FAM20A: variants seen among roughly 807,000 people sequenced by gnomAD.
FAM20A encodes FAM20A golgi associated secretory pathway pseudokinase.
Under a neutral mutation model 52.0 loss-of-function variants are expected in FAM20A, and 42 were observed. The ratio of observed to expected loss-of-function variants is 0.81; its 90% CI spans 0.63 to 1.04. The LOEUF is 1.04. Among genes scored for constraint, FAM20A ranks in the 50% least tolerant of loss-of-function variants. FAM20A has a pLI of 0.00. For synonymous variants in FAM20A, 304 were observed against 298.9 expected (o/e 1.02, Z -0.18); for missense variants, 742 against 712.7 (o/e 1.04, Z -0.47).
rs746301558 is a variant in FAM20A, at chr17:68,535,669, A to AT, written c.*1807dup. On this transcript the variant is annotated 3_prime_UTR_variant, in exon 11 of 11. Coordinates refer to ENST00000592554, the MANE Select transcript of FAM20A (RefSeq NM_017565.4). The stretch of plus-strand genomic sequence containing the variant: ...TGTTAAAGAGTTGATTTAAAAAAAA[A>AT]TTTTTTTTTTTTTGTATTTTTTTGT... 3,234 of 322,864 alleles carry AT rather than the reference A, an allele frequency of 0.01. No individual in the cohort carries two copies. The highest frequency in any genetic ancestry group is 0.016 in the Middle Eastern group (15 of 954). 20.0% of individuals were successfully genotyped at this position (322,864 alleles called of 1,614,324 possible).
Position 68,600,172 on chromosome 17 carries a change from T to G in FAM20A, c.404+91A>C. The G allele has an allele frequency of 6.9e-7, 1 of 1,449,120 alleles. No homozygotes were observed. Among genetic ancestry groups the G allele is most frequent in the Non-Finnish European group, 9.2e-7 (1 of 1,081,472 alleles). The allele number at this position is 1,449,120 out of a possible 1,614,324, so 89.8% of individuals were successfully genotyped here. ...GCCGTGGGTGGAGCCGCTGCAGCCCTGGGCCGGGGGCGTCAGGAAACTCGA... is the reference window on the plus strand; with the variant it reads ...GCCGTGGGTGGAGCCGCTGCAGCCCGGGGCCGGGGGCGTCAGGAAACTCGA... On this transcript the variant is annotated intron_variant, in intron 1 of 10. Coordinates refer to ENST00000592554, the MANE Select transcript of FAM20A (RefSeq NM_017565.4). The surrounding 1 kb of genome is among the most constrained non-coding windows in gnomAD (Gnocchi z 6.2).
intron 1 of FAM20A, among the ~76,000 whole-genome samples, chr17:68,579,527 T>G (rs1009232237): frequency 3.3e-5 from 5 of 152,186 alleles, no homozygotes; most frequent in Non-Finnish European, 5.9e-5. Context: ...ACTTTGATTT[T>G]TGAGTTTGTA....
rs1351165784 is a variant in FAM20A at position 68,587,093 on chromosome 17, T to C, written c.404+13170A>G. Among the ~76,000 whole-genome samples the C allele has an allele frequency of 5.9e-5, 9 of 152,240 alleles. 1 individual carries two copies. The East Asian group carries it at 1.4e-3, about 23-fold the overall frequency. Reference sequence around the variant, plus strand: ...GTATTTTTAGTAGCGATGGGGTTTCTCCATGTTGGCCAGGATGGTCTGAAA... The same window carrying C: ...GTATTTTTAGTAGCGATGGGGTTTCCCCATGTTGGCCAGGATGGTCTGAAA... On this transcript the variant is annotated intron_variant, in intron 1 of 10. Coordinates refer to ENST00000592554, the MANE Select transcript of FAM20A (RefSeq NM_017565.4).
At chr17:68,581,354 CTTT>C (rs2087946982) in intron 1 of FAM20A, among the ~76,000 whole-genome samples, 1 of 85,438 alleles carries the variant, frequency 1.2e-5, no homozygotes, top group African/African-American at 4.4e-5. Context: ...TGCAGTTTTT[CTTT>C]CTTTCTTTCT....
At chr17:68,594,466 A>G (rs568906044) in intron 1 of FAM20A, among the ~76,000 whole-genome samples, 8 of 152,188 alleles carry the variant, frequency 5.3e-5, no homozygotes, top group Admixed American at 2.0e-4. Flanking sequence ...CCACAAACCT[A>G]GTAACTTAAA....
chr17:68,600,336 C>T lies in FAM20A; in HGVS notation c.331G>A (p.Gly111Arg). ...CTGGCCAGGAGCGAGTCCTCGGCTCCCAGGAGAGGCGGCTCCTCCGGGACG... is the reference window on the plus strand; with the variant it reads ...CTGGCCAGGAGCGAGTCCTCGGCTCTCAGGAGAGGCGGCTCCTCCGGGACG... The part of the protein sequence containing the change: ...YNVPEEPPLL[G>R]AEDSLLASQE... The change falls in exon 1 of 11, where the codon GGA (glycine) becomes AGA (arginine). Residue 111 changes from glycine to arginine, a missense_variant. Coordinates refer to ENST00000592554, the MANE Select transcript of FAM20A (RefSeq NM_017565.4). This position sits in a 1 kb window ranked among gnomAD's most constrained non-coding sequence, Gnocchi z 6.2. 1 of 1,598,460 alleles carries T rather than the reference C, an allele frequency of 6.3e-7. No individual in the cohort carries two copies. Among genetic ancestry groups the T allele is most frequent in the Non-Finnish European group, 8.5e-7 (1 of 1,173,054 alleles).
intron 7 of FAM20A, chr17:68,541,222 C>T (rs2086276378): frequency 8.5e-6 from 4 of 471,884 alleles, no homozygotes; most frequent in African/African-American, 2.0e-5. Flanking sequence ...GAGGCCGGGG[C>T]AGGCAGGAAA....
chr17:68,588,549 T>G (rs1036357140), intron 1 of FAM20A, among the ~76,000 whole-genome samples: 2 of 152,252 alleles, frequency 1.3e-5, no homozygotes, highest in Admixed American at 6.5e-5. Flanking sequence ...AAGTCCAAGT[T>G]CGTGGTGTCA....
At position 68,553,331 on chromosome 17, in the gene FAM20A, A is replaced by T. The variant is rs143432157; in HGVS notation, c.641-1380T>A. Among the ~76,000 whole-genome samples the T allele has an allele frequency of 8.0e-3, 1,217 of 152,146 alleles. 16 individuals are homozygous for T. The highest frequency in any genetic ancestry group is 0.028 in the African/African-American group (1,152 of 41,486). On this transcript the variant is annotated intron_variant, in intron 3 of 10. Transcript: ENST00000592554. ...GCCTGCAGAACTGTGAGTCAATTAA[A>T]CCTCTTTCCTTTATAAATTATCCAG...
In FAM20A at chr17:68,600,742, C is replaced by T. The variant is rs1319081732; in HGVS notation, c.-76G>A. ...CCCGGGAGGGGTCGCGGGGTGCGGGCAGAAGAGGTGCCTGGAGTCCCGCGG... is the reference window on the plus strand; with the variant it reads ...CCCGGGAGGGGTCGCGGGGTGCGGGTAGAAGAGGTGCCTGGAGTCCCGCGG... On this transcript the variant is annotated 5_prime_UTR_variant, in exon 1 of 11. Coordinates refer to ENST00000592554, the MANE Select transcript of FAM20A (RefSeq NM_017565.4). This position sits in a 1 kb window ranked among gnomAD's most constrained non-coding sequence, Gnocchi z 6.2. The T allele has an allele frequency of 1.4e-6, 2 of 1,463,124 alleles. No individual in the cohort carries two copies. The highest frequency in any genetic ancestry group is 2.9e-5 in the African/African-American group (2 of 69,536). 90.6% of individuals were successfully genotyped at this position (1,463,124 alleles called of 1,614,324 possible). A position where few individuals can be genotyped will look rare whatever the true frequency, so the allele number is the denominator to read the frequency against.
chr17:68,543,619 C>T lies in FAM20A; in HGVS notation c.812+10G>A. 1 of 1,613,788 alleles carries T rather than the reference C, an allele frequency of 6.2e-7. No homozygotes were observed. The highest frequency in any genetic ancestry group is 1.7e-5 in the Admixed American group (1 of 60,016). ...ATAGGCAATGCCATCTCCATGGGGC[C>T]AGACCCTACCTGTCCAGATGGAAAG... On this transcript the variant is annotated intron_variant, in intron 5 of 10. Coordinates refer to ENST00000592554, the MANE Select transcript of FAM20A (RefSeq NM_017565.4).
At position 68,591,742 on chromosome 17, in the gene FAM20A, T is replaced by TGGGG. The variant is rs35072390; in HGVS notation, c.404+8517_404+8520dup. On this transcript the variant is annotated intron_variant, in intron 1 of 10. Transcript: ENST00000592554. ...GACCTGCGCCTGCGCACTGGGAGGATGGGGGTGGAGCCTCGGGAAGGTCAC... is the reference window on the plus strand; with the variant it reads ...GACCTGCGCCTGCGCACTGGGAGGATGGGGGGGGGTGGAGCCTCGGGAAGGTCAC... 5.6e-3 allele frequency: 858 copies of TGGGG among 152,168 alleles called. 4 individuals are homozygous for TGGGG. The highest frequency in any genetic ancestry group is 0.01 in the Middle Eastern group (3 of 294). The allele number at this position is 152,168 out of a possible 1,614,324, so 9.4% of individuals were successfully genotyped here.
intron 1 of FAM20A, among the ~76,000 whole-genome samples, chr17:68,564,289 A>G (rs1195648035): frequency 1.3e-5 from 2 of 152,220 alleles, no homozygotes; most frequent in African/African-American, 2.4e-5. Context: ...ACTACCTCCT[A>G]TACCATCAGA....
intron 1 of FAM20A, among the ~76,000 whole-genome samples, chr17:68,566,889 A>G (rs570648931): frequency 3.3e-5 from 5 of 152,358 alleles, no homozygotes; most frequent in Middle Eastern, 3.4e-3. Flanking sequence ...ATCTTTCAAA[A>G]TTTAAGGAAC....
At chr17:68,597,390 A>AT (rs5821666) in intron 1 of FAM20A, among the ~76,000 whole-genome samples, 2,763 of 147,060 alleles carry the variant, frequency 0.019, 32 homozygotes, top group Middle Eastern at 0.046. Context: ...AGGCATCCAC[A>AT]TTTTTTTTTT....
In FAM20A at chr17:68,540,941, AGG is replaced by A. The variant is rs2086259804; in HGVS notation, c.1125_1126del (p.Tyr377LeufsTer2). 6.3e-7 allele frequency: 1 copy of A among 1,594,608 alleles called. No homozygotes were observed. The highest frequency in any genetic ancestry group is 8.6e-7 in the Non-Finnish European group (1 of 1,169,504). ...GATCTGTTTCACTGTGTCACAGTAA[AGG>A]GGATTGACCTCCCACCTGAGGGGGA... is the stretch of plus-strand genomic sequence containing the variant. On this transcript the variant is annotated frameshift_variant, in exon 8 of 11. Coordinates refer to ENST00000592554, the MANE Select transcript of FAM20A (RefSeq NM_017565.4). LOFTEE classifies it high-confidence loss of function.
intron 1 of FAM20A, among the ~76,000 whole-genome samples, chr17:68,565,612 T>C (rs2087356504): frequency 6.6e-6 from 1 of 152,130 alleles, no homozygotes; most frequent in African/African-American, 2.4e-5. Flanking sequence ...CAGGCTGGTT[T>C]TGAACTCCTG....
At chr17:68,546,804 TGGGCGAGA>T (rs1393003359) in intron 4 of FAM20A, among the ~76,000 whole-genome samples, 6 of 129,070 alleles carry the variant, frequency 4.6e-5, no homozygotes, top group Non-Finnish European at 9.3e-5. Flanking sequence ...GACTCCAGCC[TGGGCGAGA>T]GTGCGAGACT....
chr17:68,573,449 TTTCTTTC>T (rs869287813), intron 1 of FAM20A, among the ~76,000 whole-genome samples: 3 of 122,348 alleles, frequency 2.5e-5, no homozygotes, highest in Non-Finnish European at 3.7e-5. Context: ...TCTTTCTTTC[TTTCTTTC>T]TTCTTTCTTT....
Sources: gnomAD v4.1 joint callset for allele counts (sites outside exome capture counted in the v4.1 genomes callset) on GRCh38, gnomAD v4.1.1 for gene constraint, Gnocchi (gnomAD v3.1) non-coding constraint, MANE v1.5 for transcripts, NCBI Gene and HGNC (gene_info 2026-07-23, HGNC 2026-07-21) for gene names.